The following EYS variants were observed in gnomAD, a reference collection of about 807,000 sequenced individuals.
EYS encodes EGF-like photoreceptor maintenance factor, also known as protein eyes shut homolog.
Under a neutral mutation model 282.1 loss-of-function variants are expected in EYS, and 250 were observed. That is an observed-to-expected ratio of 0.89 (90% CI 0.80 to 0.98). The LOEUF (loss-of-function observed/expected upper bound fraction) is 0.98. EYS is among the 50% of genes least tolerant of loss of function. The pLI, the probability that EYS is intolerant of heterozygous loss-of-function variation, is 0.00. For missense variants in EYS, 4,016 were observed against 3,709.0 expected, an observed-to-expected ratio of 1.08 and a Z score of -2.15; for synonymous variants, 1,355 against 1,282.9, an observed-to-expected ratio of 1.06 and a Z score of -1.20.
intron 31 of EYS, among the ~76,000 whole-genome samples, chr6:64,187,355 C>T (rs1298736361): frequency 6.6e-6 from 1 of 152,020 alleles, no homozygotes; most frequent in East Asian, 1.9e-4. Flanking sequence ...ATAATAAAAA[C>T]AGCTTAATTC....
intron 2 of EYS, among the ~76,000 whole-genome samples, chr6:65,531,988 A>G (rs922398824): frequency 7.2e-5 from 11 of 152,154 alleles, no homozygotes; most frequent in African/African-American, 2.7e-4. Flanking sequence ...GATGTGGATA[A>G]TATACGTTAA....
In EYS at chr6:65,575,001, G is replaced by A. The variant is rs897778847; in HGVS notation, c.-333+64777C>T. Among the ~76,000 whole-genome samples the A allele has an allele frequency of 4.1e-4, 62 of 151,996 alleles. 2 individuals carry two copies. Among genetic ancestry groups the A allele is most frequent in the Non-Finnish European group, 5.9e-5 (4 of 67,988 alleles). On this transcript the variant is annotated intron_variant, in intron 2 of 42. Transcript: ENST00000503581. ...AATAGAACTATTTGAAAATTAAACA[G>A]CATGGTCCTAAGCAACAAACAGGTC...
At chr6:65,663,451 G>A (rs1345908164) in intron 1 of EYS, among the ~76,000 whole-genome samples, 1 of 152,062 alleles carries the variant, frequency 6.6e-6, no homozygotes, top group Non-Finnish European at 1.5e-5. Flanking sequence ...ACTAAATATA[G>A]TCAAGAGATA....
chr6:65,335,266 A>AAC, intron 10 of EYS, 120 bp from the exon 11 acceptor site: 10 of 744,210 alleles, frequency 1.3e-5, no homozygotes, highest in Non-Finnish European at 2.1e-5. Context: ...ACCTAGGGTT[A>AAC]AGGAAACAGA....
At chr6:64,181,116 A>G (rs1022842734) in intron 31 of EYS, among the ~76,000 whole-genome samples, 4 of 152,200 alleles carry the variant, frequency 2.6e-5, no homozygotes, top group Non-Finnish European at 5.9e-5. Flanking sequence ...GGAATAACAT[A>G]TAAAACAAGT....
intron 35 of EYS, 65 bp from the exon 36 acceptor site, chr6:63,864,423 T>C: frequency 8.4e-7 from 1 of 1,197,330 alleles, no homozygotes; most frequent in East Asian, 2.6e-5. Context: ...CACATACACA[T>C]ATATACACAT....
chr6:65,187,831 T>TA (rs1254443791), intron 12 of EYS, among the ~76,000 whole-genome samples: 1 of 151,698 alleles, frequency 6.6e-6, no homozygotes, highest in Non-Finnish European at 1.5e-5. Flanking sequence ...TATATTCATA[T>TA]AAAAATATTG....
At chr6:65,634,515 A>C (rs987452600) in intron 2 of EYS, among the ~76,000 whole-genome samples, 1 of 152,176 alleles carries the variant, frequency 6.6e-6, no homozygotes, top group Non-Finnish European at 1.5e-5. Context: ...TACAGTGTTT[A>C]TGTGATGATT....
chr6:64,669,265 T>C (rs921999738), intron 22 of EYS, among the ~76,000 whole-genome samples: 2 of 152,184 alleles, frequency 1.3e-5, no homozygotes, highest in African/African-American at 4.8e-5. Flanking sequence ...TCTAAGATGC[T>C]AGGAGTTGCA....
At chr6:64,474,836 A>G (rs1278816628) in intron 26 of EYS, among the ~76,000 whole-genome samples, 1 of 152,182 alleles carries the variant, frequency 6.6e-6, no homozygotes, top group Non-Finnish European at 1.5e-5. Flanking sequence ...GTTTTCCTCA[A>G]CTACCAAATG....
intron 12 of EYS, among the ~76,000 whole-genome samples, chr6:65,193,775 C>T (rs1765698875): frequency 6.6e-6 from 1 of 151,530 alleles, no homozygotes; most frequent in African/African-American, 2.4e-5. Context: ...GTAAAGAAAA[C>T]AATAACAATT....
chr6:65,283,329 A>ATATT (rs890649019), intron 12 of EYS, among the ~76,000 whole-genome samples: 5 of 152,000 alleles, frequency 3.3e-5, no homozygotes, highest in South Asian at 2.1e-4. Context: ...AGATACATTG[A>ATATT]TATTTATTTT....
At position 65,535,604 on chromosome 6, in the gene EYS, A is replaced by G. The variant is rs568369508; in HGVS notation, c.-332-39611T>C. On this transcript the variant is annotated intron_variant, in intron 2 of 42. Transcript: ENST00000503581. ...GTCTTTATTAGTAGCATGAGAACAG[A>G]CTAACATAGAGCTGATATTTTAGTT... Among the ~76,000 whole-genome samples the G allele has an allele frequency of 2.0e-5, 3 of 152,238 alleles. No homozygotes were observed. The East Asian group carries it at 5.8e-4, about 29-fold the overall frequency.
At chr6:65,577,063 A>G (rs1461792256) in intron 2 of EYS, among the ~76,000 whole-genome samples, 1 of 151,872 alleles carries the variant, frequency 6.6e-6, no homozygotes, top group African/African-American at 2.4e-5. Flanking sequence ...AAATAGACAA[A>G]ATAATTTTAA....
At chr6:64,050,694 T>C (rs1014296680) in intron 33 of EYS, among the ~76,000 whole-genome samples, 6 of 152,324 alleles carry the variant, frequency 3.9e-5, no homozygotes, top group African/African-American at 4.8e-5. Flanking sequence ...CATGCTGCTC[T>C]CTCAGCTAGG....
chr6:64,592,729 CTGAG>C (rs1322289898), intron 25 of EYS, among the ~76,000 whole-genome samples: 1 of 152,072 alleles, frequency 6.6e-6, no homozygotes, highest in African/African-American at 2.4e-5. Context: ...TATCTTTTAT[CTGAG>C]TGTTAGTCAA....
At chr6:64,665,688 T>C (rs910544735) in intron 22 of EYS, among the ~76,000 whole-genome samples, 1 of 152,256 alleles carries the variant, frequency 6.6e-6, no homozygotes. Flanking sequence ...ATTGAACCAA[T>C]TGTCACGTTT....
intron 9 of EYS, among the ~76,000 whole-genome samples, chr6:65,344,450 A>T (rs528379973): frequency 6.6e-6 from 1 of 151,598 alleles, no homozygotes; most frequent in African/African-American, 2.4e-5. Context: ...AATTTTGACT[A>T]AACTGTAATT....
At chr6:64,029,402 C>G (rs908441287) in intron 33 of EYS, among the ~76,000 whole-genome samples, 1 of 152,218 alleles carries the variant, frequency 6.6e-6, no homozygotes, top group Non-Finnish European at 1.5e-5. Context: ...ATCTCACTGT[C>G]TGGACTACTT....
Sources: allele counts gnomAD v4.1 joint callset (sites outside exome capture counted in the v4.1 genomes callset), GRCh38; gene constraint gnomAD v4.1.1; transcripts MANE v1.5; gene names NCBI Gene and HGNC (gene_info 2026-07-23, HGNC 2026-07-21).